The following FER variants were observed in gnomAD, a reference collection of about 807,000 sequenced individuals.
FER encodes the protein tyrosine-protein kinase Fer.
A neutral mutation model predicts 111.0 loss-of-function variants in FER; 63 were observed. The ratio of observed to expected loss-of-function variants is 0.57; its 90% CI spans 0.46 to 0.70. The LOEUF (loss-of-function observed/expected upper bound fraction) is 0.70. Ranked by LOEUF, FER falls within the 30% of genes least tolerant of loss-of-function variation. The pLI, the probability that FER is intolerant of heterozygous loss-of-function variation, is 0.00. For missense variants in FER, 914 were observed against 954.0 expected (o/e 0.96, Z 0.55); for synonymous variants, 327 against 313.9 (o/e 1.04, Z -0.44).
intron 13 of FER, among the ~76,000 whole-genome samples, chr5:109,005,457 A>G (rs985714132): frequency 3.3e-5 from 5 of 152,178 alleles, no homozygotes; most frequent in African/African-American, 9.7e-5. Context: ...GGTTGGTATT[A>G]TATTTACATG....
chr5:108,964,587 A>T (rs1364567460), intron 13 of FER, among the ~76,000 whole-genome samples: 2 of 152,180 alleles, frequency 1.3e-5, no homozygotes, highest in Non-Finnish European at 2.9e-5. Context: ...AGGGAGAGTG[A>T]TGGGAGATGA....
At chr5:109,069,201 C>T (rs896701485) in intron 16 of FER, among the ~76,000 whole-genome samples, 1 of 151,992 alleles carries the variant, frequency 6.6e-6, no homozygotes, top group African/African-American at 2.4e-5. Context: ...TTCAGTAGAC[C>T]AAACATTTTC....
chr5:109,148,836 G>A (rs1186516450), intron 17 of FER, among the ~76,000 whole-genome samples: 1 of 152,128 alleles, frequency 6.6e-6, no homozygotes, highest in African/African-American at 2.4e-5. Context: ...GGCATTGTAA[G>A]TACCAGAATA....
At chr5:108,749,552 G>A (rs1164971573) in intron 1 of FER, among the ~76,000 whole-genome samples, 1 of 152,136 alleles carries the variant, frequency 6.6e-6, no homozygotes, top group African/African-American at 2.4e-5. Flanking sequence ...TGCTTCTGGA[G>A]CCCCGCAGTC....
chr5:109,126,448 A>G (rs980647464), intron 17 of FER, among the ~76,000 whole-genome samples: 3 of 152,232 alleles, frequency 2.0e-5, no homozygotes, highest in Admixed American at 1.3e-4. Context: ...AAGAAAAAGA[A>G]TTTAGGATCT....
intron 13 of FER, among the ~76,000 whole-genome samples, chr5:109,000,457 A>C (rs1764603644): frequency 6.6e-6 from 1 of 152,174 alleles, no homozygotes; most frequent in African/African-American, 2.4e-5. Context: ...GAAACCAACG[A>C]GAAAAAAGAC....
chr5:108,979,766 T>A (rs568675563), intron 13 of FER, among the ~76,000 whole-genome samples: 2 of 152,260 alleles, frequency 1.3e-5, no homozygotes, highest in African/African-American at 4.8e-5. Flanking sequence ...TTTTTTCTTA[T>A]AAAAATTTAT....
chr5:109,160,580 C>G (rs1187729575), intron 17 of FER, among the ~76,000 whole-genome samples: 1 of 152,136 alleles, frequency 6.6e-6, no homozygotes, highest in Non-Finnish European at 1.5e-5. Context: ...ATAAATTCAT[C>G]CAATCCTGGT....
intron 3 of FER, among the ~76,000 whole-genome samples, chr5:108,813,083 A>G (rs1036848177): frequency 6.6e-6 from 1 of 151,964 alleles, no homozygotes; most frequent in Non-Finnish European, 1.5e-5. Flanking sequence ...TTCCTTTCAC[A>G]TTTCTTATAG....
chr5:109,077,995 A>G (rs1157577353), intron 16 of FER, among the ~76,000 whole-genome samples: 1 of 152,180 alleles, frequency 6.6e-6, no homozygotes, highest in Non-Finnish European at 1.5e-5. Flanking sequence ...TGCAGATCAA[A>G]AAAGTTTTTG....
At chr5:109,097,032 GTATT>G (rs1417151791) in intron 16 of FER, among the ~76,000 whole-genome samples, 3 of 149,114 alleles carry the variant, frequency 2.0e-5, no homozygotes, top group Non-Finnish European at 4.5e-5. Flanking sequence ...AATAGTAATA[GTATT>G]TATTGTGTGT....
chr5:108,879,701 A>AAATATATATATATATATAT, intron 8 of FER, among the ~76,000 whole-genome samples: 21 of 99,086 alleles, frequency 2.1e-4, no homozygotes, highest in African/African-American at 9.1e-4. Flanking sequence ...ATTAAAAAAA[A>AAATATATATATATATATAT]ATATATATAT....
intron 17 of FER, among the ~76,000 whole-genome samples, chr5:109,111,762 A>C (rs895732685): frequency 1.3e-5 from 2 of 152,226 alleles, no homozygotes; most frequent in South Asian, 2.1e-4. Flanking sequence ...ATCAAATCTC[A>C]TAAGAACTCA....
intron 10 of FER, among the ~76,000 whole-genome samples, chr5:108,921,667 G>A (rs928678904): frequency 1.3e-5 from 2 of 152,184 alleles, no homozygotes; most frequent in Non-Finnish European, 2.9e-5. Context: ...TATAAAATAA[G>A]CTACTTCGAT....
intron 8 of FER, among the ~76,000 whole-genome samples, chr5:108,877,104 A>G (rs978746626): frequency 6.6e-6 from 1 of 152,148 alleles, no homozygotes; most frequent in Non-Finnish European, 1.5e-5. Flanking sequence ...CCATCCAACT[A>G]TCTGAATCAA....
chr5:109,121,744 C>A (rs796957524), intron 17 of FER, among the ~76,000 whole-genome samples: 5 of 151,804 alleles, frequency 3.3e-5, no homozygotes, highest in East Asian at 1.9e-4. Flanking sequence ...CTTTGCTGGG[C>A]GATTTTTTAT....
At chr5:108,855,431 G>A (rs1406416657) in intron 5 of FER, among the ~76,000 whole-genome samples, 1 of 151,810 alleles carries the variant, frequency 6.6e-6, no homozygotes, top group Non-Finnish European at 1.5e-5. Flanking sequence ...AGGAGATCGA[G>A]ACCACGGTGA....
At chr5:108,951,157 G>A (rs1365815271) in intron 11 of FER, among the ~76,000 whole-genome samples, 1 of 151,948 alleles carries the variant, frequency 6.6e-6, no homozygotes, top group Non-Finnish European at 1.5e-5. Flanking sequence ...CCAGCTACTC[G>A]GGAGGCTGAG....
chr5:109,023,187 G>A lies in FER; in HGVS notation c.1657-14235G>A, dbSNP rs140605875. ...TGTGTCGAGTGATGTTTTGCAAGTA[G>A]ACCTAACATTTTCCCTGATGCATTG... is the stretch of plus-strand genomic sequence containing the variant. On this transcript the variant is annotated intron_variant, in intron 13 of 19. Transcript: ENST00000281092. Among the ~76,000 whole-genome samples the A allele has an allele frequency of 2.0e-5, 3 of 152,114 alleles. No homozygotes were observed. In the East Asian group the frequency reaches 5.8e-4, roughly 29 times the overall value.
Sources: gnomAD v4.1 joint callset for allele counts (sites outside exome capture counted in the v4.1 genomes callset) on GRCh38, gnomAD v4.1.1 for gene constraint, MANE v1.5 for transcripts, NCBI Gene and HGNC (gene_info 2026-07-23, HGNC 2026-07-21) for gene names.